The following CDH18 variants were observed in gnomAD, a reference collection of about 807,000 sequenced individuals.
The protein encoded by CDH18 is cadherin 18, also known as cadherin-18.
In CDH18, 31 loss-of-function variants were observed where a neutral mutation model predicts 67.9. The observed-to-expected ratio is 0.46, with a 90% CI of 0.34 to 0.62. CDH18 has a LOEUF of 0.62. Ranked by LOEUF, CDH18 falls within the 20% of genes least tolerant of loss-of-function variation. CDH18 has a pLI of 0.01. For synonymous variants in CDH18, 362 were observed against 347.2 expected, an observed-to-expected ratio of 1.04 and a Z score of -0.48; for missense variants, 890 against 975.5, an observed-to-expected ratio of 0.91 and a Z score of 1.17.
At chr5:19,927,127 C>T (rs915133873) in intron 2 of CDH18, among the ~76,000 whole-genome samples, 5 of 151,996 alleles carry the variant, frequency 3.3e-5, no homozygotes, top group East Asian at 3.9e-4. Flanking sequence ...TTCTAGATAA[C>T]GTTTATTGGG....
intron 5 of CDH18, among the ~76,000 whole-genome samples, chr5:19,660,473 T>TGA (rs770786361): frequency 6.6e-6 from 1 of 152,126 alleles, no homozygotes; most frequent in African/African-American, 2.4e-5. Flanking sequence ...TCACGCCTGC[T>TGA]GAAAGATGCC....
intron 1 of CDH18, among the ~76,000 whole-genome samples, chr5:20,479,507 C>T (rs1438157745): frequency 6.6e-6 from 1 of 151,862 alleles, no homozygotes; most frequent in Non-Finnish European, 1.5e-5. Flanking sequence ...CTCTTACTGG[C>T]AGAATTGATC....
intron 5 of CDH18, among the ~76,000 whole-genome samples, chr5:19,655,286 T>A (rs1360932753): frequency 6.6e-6 from 1 of 152,122 alleles, no homozygotes; most frequent in Non-Finnish European, 1.5e-5. Context: ...ATATAAATAT[T>A]ATCTACTCAA....
chr5:20,505,014 G>A (rs995126423), intron 1 of CDH18, among the ~76,000 whole-genome samples: 2 of 151,920 alleles, frequency 1.3e-5, no homozygotes, highest in East Asian at 3.9e-4. Context: ...TGATCCAGCC[G>A]CTTCGGCCTC....
intron 2 of CDH18, among the ~76,000 whole-genome samples, chr5:20,085,166 G>A (rs1306944514): frequency 6.6e-6 from 1 of 152,106 alleles, no homozygotes; most frequent in Non-Finnish European, 1.5e-5. Context: ...TTGCTTTGCT[G>A]CTTAGAAATT....
chr5:19,781,086 T>C (rs1775059375), intron 3 of CDH18, among the ~76,000 whole-genome samples: 1 of 152,146 alleles, frequency 6.6e-6, no homozygotes, highest in Non-Finnish European at 1.5e-5. Flanking sequence ...CCATAACCAA[T>C]TTAAAACTAC....
chr5:19,719,953 G>GAAAGAAAGAAAGAAAGAA (rs1423128239), intron 5 of CDH18, among the ~76,000 whole-genome samples: 4 of 149,948 alleles, frequency 2.7e-5, no homozygotes, highest in African/African-American at 9.9e-5. Context: ...AAGAAAGAAA[G>GAAAGAAAGAAAGAAAGAA]AAAGAAGGAA....
At chr5:20,262,991 A>C (rs1580614162) in intron 1 of CDH18, among the ~76,000 whole-genome samples, 2 of 80,920 alleles carry the variant, frequency 2.5e-5, no homozygotes, top group Admixed American at 3.8e-4. Context: ...AAGGGAAGGG[A>C]GGGAAGGGGA....
intron 3 of CDH18, among the ~76,000 whole-genome samples, chr5:19,752,673 C>T (rs1446023718): frequency 1.3e-5 from 2 of 152,182 alleles, no homozygotes; most frequent in African/African-American, 4.8e-5. Flanking sequence ...TCCATACTAA[C>T]ACAGCTGATG....
chr5:20,045,629 A>G (rs1580114831), intron 2 of CDH18, among the ~76,000 whole-genome samples: 1 of 152,182 alleles, frequency 6.6e-6, no homozygotes, highest in East Asian at 1.9e-4. Flanking sequence ...TTTATAGAGA[A>G]GATAAGGGAT....
chr5:19,795,885 AT>A (rs1327370343), intron 3 of CDH18, among the ~76,000 whole-genome samples: 1 of 152,156 alleles, frequency 6.6e-6, no homozygotes, highest in African/African-American at 2.4e-5. Flanking sequence ...TCAGCAAAAA[AT>A]AAAAGTTATT....
chr5:20,519,886 T>C (rs530774453), intron 1 of CDH18, among the ~76,000 whole-genome samples: 2 of 151,338 alleles, frequency 1.3e-5, no homozygotes, highest in Non-Finnish European at 2.9e-5. Context: ...TTCATTTATT[T>C]TTATTTGGAC....
At chr5:20,069,126 T>G (rs1276908790) in intron 2 of CDH18, among the ~76,000 whole-genome samples, 2 of 152,058 alleles carry the variant, frequency 1.3e-5, no homozygotes, top group African/African-American at 4.8e-5. Flanking sequence ...TAGGGTTCAT[T>G]TTTATGTTGG....
chr5:20,446,862 T>A (rs1262204315), intron 1 of CDH18, among the ~76,000 whole-genome samples: 2 of 152,210 alleles, frequency 1.3e-5, no homozygotes, highest in African/African-American at 4.8e-5. Flanking sequence ...CAGCAGTAAG[T>A]TAACAAAGAG....
intron 5 of CDH18, among the ~76,000 whole-genome samples, chr5:19,637,102 A>T (rs1753257558): frequency 6.6e-6 from 1 of 151,884 alleles, no homozygotes; most frequent in South Asian, 2.1e-4. Context: ...TCGCAGGTAG[A>T]TTTCTGTTTT....
intron 5 of CDH18, among the ~76,000 whole-genome samples, chr5:19,642,808 A>G (rs1010104548): frequency 6.6e-5 from 10 of 152,114 alleles, no homozygotes; most frequent in African/African-American, 2.4e-4. Context: ...AGGCAACAAA[A>G]GCAAAATAGG....
intron 2 of CDH18, among the ~76,000 whole-genome samples, chr5:19,848,882 C>T (rs550802230): frequency 6.7e-6 from 1 of 148,912 alleles, no homozygotes; most frequent in African/African-American, 2.5e-5. Flanking sequence ...ATATTATATA[C>T]ATATATGTAT....
At chr5:20,341,547 A>AT (rs1047954759) in intron 1 of CDH18, among the ~76,000 whole-genome samples, 4 of 150,914 alleles carry the variant, frequency 2.7e-5, no homozygotes, top group African/African-American at 9.8e-5. Context: ...TAGAGGGCAT[A>AT]TATATATATA....
chr5:20,177,596 G>A (rs1349402939), intron 2 of CDH18, among the ~76,000 whole-genome samples: 2 of 151,936 alleles, frequency 1.3e-5, no homozygotes, highest in Non-Finnish European at 2.9e-5. Context: ...TGTCTGTGAG[G>A]GTGTGTCTGG....
Sources: allele counts gnomAD v4.1 joint callset (sites outside exome capture counted in the v4.1 genomes callset), GRCh38; gene constraint gnomAD v4.1.1; transcripts MANE v1.5; gene names NCBI Gene and HGNC (gene_info 2026-07-23, HGNC 2026-07-21).